Variants in RAMP1 observed in about 807,000 individuals in gnomAD.
The protein encoded by RAMP1 is receptor activity-modifying protein 1.
In RAMP1, 7 loss-of-function variants were observed where a neutral mutation model predicts 8.2. The ratio of observed to expected loss-of-function variants is 0.85; its 90% CI spans 0.49 to 1.60. The LOEUF (loss-of-function observed/expected upper bound fraction) is 1.60. Among genes scored for constraint, RAMP1 ranks in the 40% most tolerant of loss-of-function variants. RAMP1 has a pLI of 0.00. For synonymous variants in RAMP1, 92 were observed against 84.7 expected, an observed-to-expected ratio of 1.09 and a Z score of -0.47; for missense variants, 192 against 202.4, an observed-to-expected ratio of 0.95 and a Z score of 0.31.
chr2:237,908,711 C>T (rs891889420), intron 2 of RAMP1, among the ~76,000 whole-genome samples: 8 of 152,174 alleles, frequency 5.3e-5, no homozygotes, highest in Non-Finnish European at 8.8e-5. Context: ...GCTGGGATTA[C>T]AGGTGTTAAG....
Position 237,862,774 on chromosome 2 carries a change from T to C in RAMP1, c.52+3047T>C, listed in dbSNP as rs3754696. 0.3 allele frequency among the ~76,000 whole-genome samples: 45,101 copies of C among 152,024 alleles called. 9,163 individuals carry two copies. The highest frequency in any genetic ancestry group is 0.58 in the African/African-American group (24,165 of 41,452). On this transcript the variant is annotated intron_variant, in intron 1 of 2. Transcript: ENST00000254661. This position sits in a 1 kb window ranked among gnomAD's most constrained non-coding sequence, Gnocchi z 4.0. ...TATGGTGGGCTGGCCCTCAGTGGTC[T>C]CTGAGCCAGGCCTGGCCATCCAGAT...
intron 2 of RAMP1, among the ~76,000 whole-genome samples, chr2:237,909,923 G>A (rs1014486215): frequency 2.0e-5 from 3 of 152,058 alleles, no homozygotes; most frequent in African/African-American, 4.8e-5. Context: ...GAGCAGAGGG[G>A]ACTCCGCGAT....
intron 2 of RAMP1, among the ~76,000 whole-genome samples, chr2:237,908,716 GTTA>G (rs2062677835): frequency 2.6e-5 from 4 of 152,150 alleles, no homozygotes; most frequent in African/African-American, 7.2e-5. Context: ...GATTACAGGT[GTTA>G]AGCCACCACA....
chr2:237,896,147 G>A (rs574167466), intron 2 of RAMP1, among the ~76,000 whole-genome samples: 1 of 152,370 alleles, frequency 6.6e-6, no homozygotes, highest in East Asian at 1.9e-4. Flanking sequence ...AGGACAGTCT[G>A]TGACTTTGCC....
chr2:237,879,049 A>G lies in RAMP1; in HGVS notation c.191+1687A>G, dbSNP rs184689682. ...TTTCAGGGCCTCCTTTTCTAAGCTG[A>G]AAAATGAGTTGAGTGGGAAGAGGTT... On this transcript the variant is annotated intron_variant, in intron 2 of 2. Transcript: ENST00000254661. Among the ~76,000 whole-genome samples the G allele has an allele frequency of 3.9e-3, 587 of 152,360 alleles. 16 individuals are homozygous for G. Among genetic ancestry groups the G allele is most frequent in the Admixed American group, 0.025 (382 of 15,308 alleles).
Position 237,859,638 on chromosome 2 carries a change from G to C in RAMP1, c.-38G>C. Reference sequence around the variant, plus strand: ...CGGCGGGCTCAGTCCTCAGCGGGGCGCGTGGCGAGCGGACTCGACTCGGCA... The same window carrying C: ...CGGCGGGCTCAGTCCTCAGCGGGGCCCGTGGCGAGCGGACTCGACTCGGCA... On this transcript the variant is annotated 5_prime_UTR_variant, in exon 1 of 3. Coordinates refer to ENST00000254661, the MANE Select transcript of RAMP1 (RefSeq NM_005855.4). 7.1e-7 allele frequency: 1 copy of C among 1,415,488 alleles called. No individual in the cohort carries two copies. Among genetic ancestry groups the C allele is most frequent in the South Asian group, 1.5e-5 (1 of 68,166 alleles). The allele number at this position is 1,415,488 out of a possible 1,614,324, so 87.7% of individuals were successfully genotyped here. A position where few individuals can be genotyped will look rare whatever the true frequency, so the allele number is the denominator to read the frequency against.
chr2:237,901,329 G>A (rs2062594573), intron 2 of RAMP1, among the ~76,000 whole-genome samples: 1 of 152,244 alleles, frequency 6.6e-6, no homozygotes, highest in East Asian at 1.9e-4. Flanking sequence ...TGGTTGTTGA[G>A]ACCAACAGTG....
intron 1 of RAMP1, among the ~76,000 whole-genome samples, chr2:237,863,984 A>G (rs1022249462): frequency 6.8e-6 from 1 of 146,548 alleles, no homozygotes; most frequent in African/African-American, 2.5e-5. Flanking sequence ...CACCCCAGGG[A>G]CAGGGGGTCT....
In RAMP1 at chr2:237,911,738, G is replaced by A. The variant is rs61752232; in HGVS notation, c.402G>A (p.Thr134=). Residue 134 remains threonine (T), a synonymous_variant, in exon 3 of 3, where the codon ACG becomes ACA. Coordinates refer to ENST00000254661, the MANE Select transcript of RAMP1 (RefSeq NM_005855.4). ...CCATCACGGTGACCCTGCTGGTGACGGCACTGGTGGTCTGGCAGAGCAAGC... is the reference window on the plus strand; with the variant it reads ...CCATCACGGTGACCCTGCTGGTGACAGCACTGGTGGTCTGGCAGAGCAAGC... The part of the protein sequence containing the change: ...VVPITVTLLV[T]ALVVWQSKRT... 0.012 allele frequency: 19,960 copies of A among 1,613,018 alleles called. 150 individuals carry two copies. Among genetic ancestry groups the A allele is most frequent in the Non-Finnish European group, 0.015 (17,449 of 1,179,610 alleles).
At chr2:237,860,490 T>C (rs549929899) in intron 1 of RAMP1, among the ~76,000 whole-genome samples, 34 of 152,256 alleles carry the variant, frequency 2.2e-4, no homozygotes, top group African/African-American at 7.9e-4. Flanking sequence ...GGCCACACAC[T>C]CGGCAAGAAA....
At position 237,877,493 on chromosome 2, in the gene RAMP1, GGGGGCCGGGAT is replaced by G; in HGVS notation, c.191+133_191+143del. On this transcript the variant is annotated intron_variant, in intron 2 of 2. Coordinates refer to ENST00000254661, the MANE Select transcript of RAMP1 (RefSeq NM_005855.4). This position sits in a 1 kb window ranked among gnomAD's most constrained non-coding sequence, Gnocchi z 4.4. ...CCGGAAGGGTTCTTCCCCCAGTGGG[GGGGGCCGGGAT>G]GAAGACAGAGGAGGGAGCCAGTAGC... 7.9e-7 allele frequency: 1 copy of G among 1,268,878 alleles called. No individual in the cohort carries two copies. The highest frequency in any genetic ancestry group is 1.1e-6 in the Non-Finnish European group (1 of 941,154). The allele number at this position is 1,268,878 out of a possible 1,614,324, so 78.6% of individuals were successfully genotyped here.
chr2:237,870,963 G>A (rs1416354336), intron 1 of RAMP1, among the ~76,000 whole-genome samples: 1 of 152,230 alleles, frequency 6.6e-6, no homozygotes, highest in Non-Finnish European at 1.5e-5. Context: ...CAGTGGGCTG[G>A]AATGCAGTGC....
At chr2:237,874,922 G>T (rs530213871) in intron 1 of RAMP1, among the ~76,000 whole-genome samples, 2 of 152,282 alleles carry the variant, frequency 1.3e-5, no homozygotes. Flanking sequence ...TCAGCCGGGG[G>T]CCTCTTGGAG....
At chr2:237,866,816 A>C (rs950377626) in intron 1 of RAMP1, among the ~76,000 whole-genome samples, 1 of 150,820 alleles carries the variant, frequency 6.6e-6, no homozygotes, top group African/African-American at 2.4e-5. Flanking sequence ...ACAACCTCCA[A>C]CTCCCGGGTT....
intron 2 of RAMP1, among the ~76,000 whole-genome samples, chr2:237,901,134 G>A (rs372312390): frequency 1.5e-4 from 23 of 152,232 alleles, no homozygotes; most frequent in Admixed American, 5.2e-4. Context: ...CCTTCTCACC[G>A]GCCTGGGCCA....
In RAMP1 at chr2:237,865,308, G is replaced by A. The variant is rs1189780079; in HGVS notation, c.52+5581G>A. On this transcript the variant is annotated intron_variant, in intron 1 of 2. Transcript: ENST00000254661. The surrounding 1 kb of genome is among the most constrained non-coding windows in gnomAD (Gnocchi z 4.2). ...GAGAGCAGGGGAGAGGAGAGGAGGG[G>A]AGGGCAGGGGAGAAGAGAGGAGGGG... Among the ~76,000 whole-genome samples, 1 of 121,162 alleles carries A rather than the reference G, an allele frequency of 8.3e-6. No homozygotes were observed. Among genetic ancestry groups the A allele is most frequent in the African/African-American group, 3.1e-5 (1 of 32,256 alleles). The allele number at this position is 121,162 out of a possible 152,430, so 79.5% of individuals were successfully genotyped here.
At chr2:237,894,829 C>T (rs529310007) in intron 2 of RAMP1, among the ~76,000 whole-genome samples, 10 of 152,258 alleles carry the variant, frequency 6.6e-5, no homozygotes, top group Admixed American at 3.3e-4. Context: ...CGTTCAAAGA[C>T]GGAACAAAGG....
chr2:237,882,550 A>G (rs1576543841), intron 2 of RAMP1, among the ~76,000 whole-genome samples: 1 of 152,156 alleles, frequency 6.6e-6, no homozygotes, highest in African/African-American at 2.4e-5. Context: ...CCCTGCCTCC[A>G]TATAACTGTG....
chr2:237,862,169 T>C lies in RAMP1; in HGVS notation c.52+2442T>C, dbSNP rs1187829837. On this transcript the variant is annotated intron_variant, in intron 1 of 2. Coordinates refer to ENST00000254661, the MANE Select transcript of RAMP1 (RefSeq NM_005855.4). The surrounding 1 kb of genome is among the most constrained non-coding windows in gnomAD (Gnocchi z 4.0). ...CAACATTAATTGAAATGTATGACTT[T>C]ATATAAATACAAGTAGAATTGGAAT... 1.3e-5 allele frequency among the ~76,000 whole-genome samples: 2 copies of C among 152,134 alleles called. No individual in the cohort carries two copies. The highest frequency in any genetic ancestry group is 4.8e-5 in the African/African-American group (2 of 41,410).
Sources: gnomAD v4.1 joint callset for allele counts (sites outside exome capture counted in the v4.1 genomes callset) on GRCh38, gnomAD v4.1.1 for gene constraint, Gnocchi (gnomAD v3.1) non-coding constraint, MANE v1.5 for transcripts, NCBI Gene and HGNC (gene_info 2026-07-23, HGNC 2026-07-21) for gene names.